Variants in SLC25A21 observed in about 807,000 individuals in gnomAD.
SLC25A21 encodes solute carrier family 25 member 21, also known as mitochondrial 2-oxodicarboxylate carrier.
A neutral mutation model predicts 43.8 loss-of-function variants in SLC25A21; 47 were observed. That is an observed-to-expected ratio of 1.07 (90% confidence interval 0.85 to 1.37). The LOEUF (loss-of-function observed/expected upper bound fraction) is 1.37. SLC25A21 is among the 40% of genes most tolerant of loss of function. The pLI, the probability that SLC25A21 is intolerant of heterozygous loss-of-function variation, is 0.00. For synonymous variants in SLC25A21, 131 were observed against 121.3 expected, an observed-to-expected ratio of 1.08 and a Z score of -0.52; for missense variants, 352 against 350.2, an observed-to-expected ratio of 1.00 and a Z score of -0.04.
At chr14:36,996,470 T>C (rs77991039) in intron 1 of SLC25A21, among the ~76,000 whole-genome samples, 2,988 of 152,304 alleles carry the variant, frequency 0.02, 96 homozygotes, top group African/African-American at 0.068. Context: ...TACTTAACCT[T>C]TGTGTGCCTC....
At chr14:36,827,327 G>C (rs1888869985) in intron 2 of SLC25A21, among the ~76,000 whole-genome samples, 1 of 152,134 alleles carries the variant, frequency 6.6e-6, no homozygotes, top group Non-Finnish European at 1.5e-5. Context: ...TTCGGTGGAA[G>C]AAAAGAGAAA....
At chr14:36,750,028 TC>T (rs929479081) in intron 3 of SLC25A21, among the ~76,000 whole-genome samples, 26 of 152,266 alleles carry the variant, frequency 1.7e-4, no homozygotes, top group African/African-American at 6.3e-4. Context: ...TACTGATGTC[TC>T]CCCAGGACCA....
chr14:36,679,535 C>T lies in SLC25A21; in HGVS notation c.*1123G>A. The T allele has an allele frequency of 1.0e-6, 1 of 985,402 alleles. No homozygotes were observed. The highest frequency in any genetic ancestry group is 1.2e-6 in the Non-Finnish European group (1 of 829,906). 61.0% of individuals were successfully genotyped at this position (985,402 alleles called of 1,614,324 possible). On this transcript the variant is annotated 3_prime_UTR_variant, in exon 10 of 10. Transcript: ENST00000331299. ...GCAGATATAAAATCAAGTTTGGTTA[C>T]ATCAAGACCAAGGAGATATTTTTGT...
intron 1 of SLC25A21, among the ~76,000 whole-genome samples, chr14:37,012,675 T>A (rs1316938756): frequency 6.6e-6 from 1 of 152,224 alleles, no homozygotes; most frequent in Non-Finnish European, 1.5e-5. Flanking sequence ...TTCCAAACCA[T>A]GTCTGAATGT....
At chr14:36,947,300 T>G (rs557559559) in intron 1 of SLC25A21, among the ~76,000 whole-genome samples, 1 of 152,208 alleles carries the variant, frequency 6.6e-6, no homozygotes, top group African/African-American at 2.4e-5. Flanking sequence ...TATTTTACTT[T>G]CTGAAAGAAA....
intron 1 of SLC25A21, among the ~76,000 whole-genome samples, chr14:37,079,696 T>G (rs891948947): frequency 2.0e-5 from 3 of 152,204 alleles, no homozygotes; most frequent in Non-Finnish European, 4.4e-5. Context: ...AAGATTTCGC[T>G]TGCTCTTCCA....
At chr14:36,904,813 C>T (rs1450848154) in intron 1 of SLC25A21, among the ~76,000 whole-genome samples, 1 of 152,140 alleles carries the variant, frequency 6.6e-6, no homozygotes, top group Non-Finnish European at 1.5e-5. Context: ...ATCCAATCAC[C>T]TCCCACCAGG....
At chr14:37,143,434 G>A (rs560926581) in intron 1 of SLC25A21, among the ~76,000 whole-genome samples, 61 of 152,254 alleles carry the variant, frequency 4.0e-4, no homozygotes, top group Non-Finnish European at 7.2e-4. Context: ...AATGTTTTCC[G>A]AAGGAATTCA....
intron 1 of SLC25A21, among the ~76,000 whole-genome samples, chr14:37,033,012 A>G (rs1566829620): frequency 6.6e-6 from 1 of 152,212 alleles, no homozygotes; most frequent in Non-Finnish European, 1.5e-5. Flanking sequence ...CAACTTAACC[A>G]TCTTTAAGTG....
At chr14:36,903,925 G>A (rs1891465202) in intron 1 of SLC25A21, among the ~76,000 whole-genome samples, 1 of 152,202 alleles carries the variant, frequency 6.6e-6, no homozygotes, top group Non-Finnish European at 1.5e-5. Context: ...ATGCAAGAAA[G>A]TGTCACTCTT....
At chr14:36,934,711 C>G (rs1892375243) in intron 1 of SLC25A21, among the ~76,000 whole-genome samples, 1 of 115,220 alleles carries the variant, frequency 8.7e-6, no homozygotes, top group Non-Finnish European at 2.0e-5. Flanking sequence ...TACACACACA[C>G]ACAGAGAAAA....
chr14:37,144,134 T>C (rs1384198707), intron 1 of SLC25A21, among the ~76,000 whole-genome samples: 1 of 152,156 alleles, frequency 6.6e-6, no homozygotes, highest in African/African-American at 2.4e-5. Flanking sequence ...CAAACTTGAG[T>C]AATAATGTCA....
intron 1 of SLC25A21, among the ~76,000 whole-genome samples, chr14:36,878,612 T>G (rs528755627): frequency 6.6e-6 from 1 of 152,308 alleles, no homozygotes; most frequent in African/African-American, 2.4e-5. Flanking sequence ...TGGTACCATG[T>G]GCTTATTGAC....
At chr14:36,708,735 C>T (rs1386434750) in intron 7 of SLC25A21, among the ~76,000 whole-genome samples, 4 of 146,680 alleles carry the variant, frequency 2.7e-5, no homozygotes, top group East Asian at 4.2e-4. Flanking sequence ...TCACACCTGG[C>T]TAACGTTAGT....
At chr14:36,989,933 A>C (rs1960228358) in intron 1 of SLC25A21, among the ~76,000 whole-genome samples, 1 of 152,188 alleles carries the variant, frequency 6.6e-6, no homozygotes, top group Non-Finnish European at 1.5e-5. Context: ...AGACCAAGAA[A>C]AAAATCATCA....
chr14:37,019,213 T>G (rs1295219174), intron 1 of SLC25A21, among the ~76,000 whole-genome samples: 1 of 151,910 alleles, frequency 6.6e-6, no homozygotes, highest in Non-Finnish European at 1.5e-5. Flanking sequence ...TTACTATACT[T>G]CAGCCATGTG....
chr14:37,047,610 G>T (rs1171629378), intron 1 of SLC25A21, among the ~76,000 whole-genome samples: 1 of 152,142 alleles, frequency 6.6e-6, no homozygotes, highest in Non-Finnish European at 1.5e-5. Context: ...CATAAAGTAT[G>T]TAACATAACA....
intron 1 of SLC25A21, among the ~76,000 whole-genome samples, chr14:36,969,501 T>G (rs10138332): frequency 0.016 from 2,430 of 152,148 alleles, 69 homozygotes; most frequent in African/African-American, 0.054. Flanking sequence ...AACAAAAATT[T>G]TTTTAGAGAC....
At chr14:37,104,852 A>T (rs72669540) in intron 1 of SLC25A21, among the ~76,000 whole-genome samples, 3,757 of 152,282 alleles carry the variant, frequency 0.025, 125 homozygotes, top group Admixed American at 0.092. Flanking sequence ...TAGTAAATCC[A>T]AGAAGGGAAC....
Sources: allele counts gnomAD v4.1 joint callset (sites outside exome capture counted in the v4.1 genomes callset), GRCh38; gene constraint gnomAD v4.1.1; transcripts MANE v1.5; gene names NCBI Gene and HGNC (gene_info 2026-07-23, HGNC 2026-07-21).